DBF4B: variants seen among roughly 807,000 people sequenced by gnomAD.
DBF4B encodes DBF4B-CDC7 kinase regulatory subunit.
DBF4B carries 49 observed loss-of-function variants against 53.4 expected under a neutral mutation model. The observed-to-expected ratio is 0.92, with a 90% CI of 0.73 to 1.16. The LOEUF is 1.16. Among genes scored for constraint, DBF4B ranks in the 50% most tolerant of loss-of-function variants. The pLI, the probability that DBF4B is intolerant of heterozygous loss-of-function variation, is 0.00. For synonymous variants in DBF4B, 257 were observed against 288.7 expected (o/e 0.89, Z 1.11); for missense variants, 692 against 775.0 (o/e 0.89, Z 1.27).
At chr17:44,740,992 G>A (rs1285899296) in intron 9 of DBF4B, among the ~76,000 whole-genome samples, 11 of 152,082 alleles carry the variant, frequency 7.2e-5, no homozygotes, top group Admixed American at 7.2e-4. Flanking sequence ...AAAATTAGCC[G>A]GCCATGGTGG....
chr17:44,712,755 T>TA (rs34192458), intron 2 of DBF4B, among the ~76,000 whole-genome samples: 2 of 151,702 alleles, frequency 1.3e-5, no homozygotes, highest in African/African-American at 2.4e-5. Context: ...CTTTTTTTTT[T>TA]ATAGAGATGG....
At position 44,731,116 on chromosome 17, in the gene DBF4B, ACT is replaced by A. The variant is rs998044841; in HGVS notation, c.468+104_468+105del. On this transcript the variant is annotated intron_variant, in intron 5 of 13. Coordinates refer to ENST00000315005, the MANE Select transcript of DBF4B (RefSeq NM_145663.3). ...TCTGAAGCACCCACACAAAATGCACACTCTGCGATATGTAGTATTGTCATTAT... is the reference window on the plus strand; with the variant it reads ...TCTGAAGCACCCACACAAAATGCACACTGCGATATGTAGTATTGTCATTAT... 31 of 1,295,482 alleles carry A rather than the reference ACT, an allele frequency of 2.4e-5. No homozygotes were observed. The African/African-American group carries it at 4.1e-4, about 17-fold the overall frequency. 80.2% of individuals were successfully genotyped at this position (1,295,482 alleles called of 1,614,324 possible).
At chr17:44,712,784 AG>A (rs1972996752) in intron 2 of DBF4B, among the ~76,000 whole-genome samples, 1 of 150,862 alleles carries the variant, frequency 6.6e-6, no homozygotes, top group African/African-American at 2.4e-5. Flanking sequence ...TGTGTTGCCC[AG>A]GCTGGTCTTG....
Position 44,735,233 on chromosome 17 carries a change from A to C in DBF4B, c.630+1070A>C, listed in dbSNP as rs1272942609. On this transcript the variant is annotated intron_variant, in intron 7 of 13. Coordinates refer to ENST00000315005, the MANE Select transcript of DBF4B (RefSeq NM_145663.3). ...AAATTCAAAAGGGTATACAACAAAA[A>C]TTCTCGCCCTGCTCCAGCTTCTCCT... Among the ~76,000 whole-genome samples, 46 of 152,238 alleles carry C rather than the reference A, an allele frequency of 3.0e-4. 1 individual carries two copies. Among genetic ancestry groups the C allele is most frequent in the Admixed American group, 3.0e-3 (46 of 15,284 alleles).
intron 8 of DBF4B, 131 bp from the exon 9 acceptor site, chr17:44,738,248 G>A: frequency 1.0e-6 from 1 of 968,026 alleles, no homozygotes; most frequent in Non-Finnish European, 1.5e-6. Flanking sequence ...GCCTGGGGTG[G>A]CATGATTTCC....
At position 44,730,111 on chromosome 17, in the gene DBF4B, T is replaced by C. The variant is rs1279340736; in HGVS notation, c.417+15T>C. The C allele has an allele frequency of 1.9e-6, 3 of 1,611,538 alleles. No individual in the cohort carries two copies. The highest frequency in any genetic ancestry group is 2.5e-6 in the Non-Finnish European group (3 of 1,179,654). Reference sequence around the variant, plus strand: ...CCGTTGACTCGGTAAGAACCTCATGTAGGAAAGGTATGCTGTGTAAACAAA... The same window carrying C: ...CCGTTGACTCGGTAAGAACCTCATGCAGGAAAGGTATGCTGTGTAAACAAA... On this transcript the variant is annotated intron_variant, in intron 4 of 13. Coordinates refer to ENST00000315005, the MANE Select transcript of DBF4B (RefSeq NM_145663.3).
rs548277337 is a variant in DBF4B, at chr17:44,722,577, C to G, written c.83-303C>G. ...CTAGTTTACTATTCACTGCAGCCCC[C>G]CAATGTCTGGTTTGGGGATCTGTCT... On this transcript the variant is annotated intron_variant, in intron 2 of 13. Transcript: ENST00000315005. 8.7e-4 allele frequency among the ~76,000 whole-genome samples: 132 copies of G among 152,292 alleles called. 2 individuals carry two copies. Among genetic ancestry groups the G allele is most frequent in the Non-Finnish European group, 1.0e-3 (69 of 68,032 alleles).
In DBF4B at chr17:44,751,126, G is replaced by A; in HGVS notation, c.1721G>A (p.Cys574Tyr). The A allele has an allele frequency of 1.2e-6, 2 of 1,614,054 alleles. No individual in the cohort carries two copies. Among genetic ancestry groups the A allele is most frequent in the Non-Finnish European group, 1.7e-6 (2 of 1,179,968 alleles). Reference sequence around the variant, plus strand: ...CCCATTCCCCGAACCTCACATCCGTGTACCCTTGCCTTCCCCTCCTATCTC... The same window carrying A: ...CCCATTCCCCGAACCTCACATCCGTATACCCTTGCCTTCCCCTCCTATCTC... ...AGPIPRTSHP[C>Y]TLAFPSYLND... is the part of the protein sequence containing the mutation. Residue 574 changes from cysteine to tyrosine, a missense_variant, in exon 14 of 14, where the codon TGT becomes TAT. By Grantham distance (194) the Cys-to-Tyr change is radical. Coordinates refer to ENST00000315005, the MANE Select transcript of DBF4B (RefSeq NM_145663.3).
intron 2 of DBF4B, among the ~76,000 whole-genome samples, chr17:44,714,800 T>G (rs1039568358): frequency 2.0e-5 from 3 of 152,062 alleles, no homozygotes; most frequent in African/African-American, 7.2e-5. Flanking sequence ...CCTCCCACCT[T>G]GATCTCCCAA....
chr17:44,748,211 G>C, intron 12 of DBF4B, 130 bp from the exon 13 acceptor site: 1 of 1,239,122 alleles, frequency 8.1e-7, no homozygotes, highest in Non-Finnish European at 1.1e-6. Flanking sequence ...CTTTCACACA[G>C]GGCCTCAGAG....
chr17:44,722,892 G>A lies in DBF4B; in HGVS notation c.95G>A (p.Cys32Tyr). 7 of 1,614,100 alleles carry A rather than the reference G, an allele frequency of 4.3e-6. No individual in the cohort carries two copies. The South Asian group carries it at 6.6e-5, about 15-fold the overall frequency. ...TATTGTTTTCTAGGAGTTTCCAGGT[G>A]TCTAGGAAAATGCCAGAAGAACTCA... ...LRAPDLGVSR[C>Y]LGKCQKNSPG... The change falls in exon 3 of 14, where the codon TGT becomes TAT. Residue 32 changes from cysteine to tyrosine, a missense_variant. Physicochemically the swap from Cys to Tyr is radical, Grantham distance 194. Around this residue, in one of 3 missense-constraint regions of DBF4B, gnomAD observed 66 missense variants for 51.3 expected, o/e 1.29. Transcript: ENST00000315005.
chr17:44,741,542 C>A, intron 10 of DBF4B, 90 bp downstream of exon 10: 1 of 816,536 alleles, frequency 1.2e-6, no homozygotes, highest in South Asian at 1.7e-5. Flanking sequence ...TGGGAATGGC[C>A]ATGTGTTTGC....
At chr17:44,709,442 C>G in intron 2 of DBF4B, 76 bp downstream of exon 2, 1 of 1,488,866 alleles carries the variant, frequency 6.7e-7, no homozygotes, top group Non-Finnish European at 9.4e-7. Flanking sequence ...GAAAAATGTT[C>G]CCCCTGTTGG....
intron 4 of DBF4B, 95 bp downstream of exon 4, chr17:44,730,191 G>A (rs946802847): frequency 3.8e-6 from 5 of 1,314,590 alleles, no homozygotes; most frequent in Non-Finnish European, 5.2e-6. Flanking sequence ...ATTTCATCTG[G>A]ATTAATTTAA....
chr17:44,750,260 T>C (rs1334061506), intron 13 of DBF4B: 1 of 1,055,146 alleles, frequency 9.5e-7, no homozygotes, highest in East Asian at 7.3e-5. Context: ...ACTTTTTCTT[T>C]CATTACAATT....
intron 7 of DBF4B, among the ~76,000 whole-genome samples, chr17:44,735,288 G>A (rs1377951013): frequency 6.6e-6 from 1 of 152,168 alleles, no homozygotes; most frequent in African/African-American, 2.4e-5. Context: ...CTGAAAGTGT[G>A]AACAGTTTCT....
rs200741152 is a variant in DBF4B, at chr17:44,750,581, G to A, written c.1190-14G>A. 897 of 1,592,130 alleles carry A rather than the reference G, an allele frequency of 5.6e-4. No individual in the cohort carries two copies. Among genetic ancestry groups the A allele is most frequent in the Non-Finnish European group, 6.9e-4 (804 of 1,165,166 alleles). On this transcript the variant is annotated splice_polypyrimidine_tract_variant and intron_variant, in intron 13 of 13. Transcript: ENST00000315005. ...GCTGGAATGCCATATGTCGGTCCTT[G>A]ATCTGCCCTCCAGTGACCCAAGGCA... is the stretch of plus-strand genomic sequence containing the variant.
At chr17:44,729,727 C>CACACACACA (rs3223649) in intron 3 of DBF4B, among the ~76,000 whole-genome samples, 178 bp from the exon 4 acceptor site, 9 of 145,300 alleles carry the variant, frequency 6.2e-5, no homozygotes, top group African/African-American at 7.7e-5. Context: ...CACACACACA[C>CACACACACA]CCCATTAGAT....
chr17:44,711,783 A>C (rs1972896223), intron 2 of DBF4B, among the ~76,000 whole-genome samples: 1 of 152,098 alleles, frequency 6.6e-6, no homozygotes. Flanking sequence ...AAAAATACAA[A>C]AAATTAGCCG....
Sources: allele counts gnomAD v4.1 joint callset (sites outside exome capture counted in the v4.1 genomes callset), GRCh38; gene constraint gnomAD v4.1.1; regional missense constraint gnomAD v4.1.1; transcripts MANE v1.5; gene names NCBI Gene and HGNC (gene_info 2026-07-23, HGNC 2026-07-21).